RAB35: variants seen among roughly 807,000 people sequenced by gnomAD.
The protein encoded by RAB35 is ras-related protein Rab-35.
In RAB35, 4 loss-of-function variants were observed where a neutral mutation model predicts 28.9. The ratio of observed to expected loss-of-function variants is 0.14; its 90% confidence interval spans 0.07 to 0.32. The LOEUF is 0.32. RAB35 is among the 10% of genes least tolerant of loss of function. The pLI is 1.00. For synonymous variants in RAB35, 99 were observed against 105.1 expected (o/e 0.94, Z 0.35); for missense variants, 128 against 274.0 (o/e 0.47, Z 3.76).
At chr12:120,098,963 C>A in intron 4 of RAB35, 28 bp from the exon 5 acceptor site, 1 of 1,614,090 alleles carries the variant, frequency 6.2e-7, no homozygotes, top group Non-Finnish European at 8.5e-7. Context: ...GTCAGCGCAG[C>A]CCTGAGGGGC....
At chr12:120,112,699 G>A (rs576045483) in intron 1 of RAB35, among the ~76,000 whole-genome samples, 2 of 151,068 alleles carry the variant, frequency 1.3e-5, no homozygotes, top group Admixed American at 1.3e-4. Flanking sequence ...AAAGTGCTGG[G>A]ATTACAGGTG....
At chr12:120,109,467 T>C (rs1319735941) in intron 1 of RAB35, among the ~76,000 whole-genome samples, 3 of 149,018 alleles carry the variant, frequency 2.0e-5, no homozygotes, top group Non-Finnish European at 3.0e-5. Flanking sequence ...AAAAAAAAAA[T>C]GGGGTTTCAT....
At chr12:120,114,378 C>A (rs1342144083) in intron 1 of RAB35, among the ~76,000 whole-genome samples, 7 of 152,250 alleles carry the variant, frequency 4.6e-5, no homozygotes, top group African/African-American at 1.7e-4. Context: ...CAGGCGTGAG[C>A]CACCGCGCCC....
At position 120,116,589 on chromosome 12, in the gene RAB35, C is replaced by A. The variant is rs1876350493; in HGVS notation, c.52+10G>T. 4.2e-6 allele frequency: 5 copies of A among 1,188,420 alleles called. No homozygotes were observed. The highest frequency in any genetic ancestry group is 5.2e-6 in the Non-Finnish European group (5 of 960,240). 73.6% of individuals were successfully genotyped at this position (1,188,420 alleles called of 1,614,324 possible). On this transcript the variant is annotated intron_variant, in intron 1 of 5. Coordinates refer to ENST00000229340, the MANE Select transcript of RAB35 (RefSeq NM_006861.7). The stretch of plus-strand genomic sequence containing the variant: ...GGGCCCGCGCCGCCTCCGGCCGCTG[C>A]GGCCCTCACCGCTGTCGCCGATGAT...
In RAB35 at chr12:120,103,103, C is replaced by G. The variant is rs565933237; in HGVS notation, c.227+723G>C. Among the ~76,000 whole-genome samples, 106 of 152,300 alleles carry G rather than the reference C, an allele frequency of 7.0e-4. 1 individual carries two copies. The highest frequency in any genetic ancestry group is 2.5e-3 in the African/African-American group (102 of 41,554). On this transcript the variant is annotated intron_variant, in intron 3 of 5. Transcript: ENST00000229340. This position sits in a 1 kb window ranked among gnomAD's most constrained non-coding sequence, Gnocchi z 6.1. ...TCCAGGAAACGAGCGCAGAGAGCTT[C>G]GGCAACTTGCCTAAGGACACACAGC...
Position 120,096,342 on chromosome 12 carries a change from A to G in RAB35, c.*903T>C, listed in dbSNP as rs1193277293. Reference sequence around the variant, plus strand: ...TGGCCTCAACTTTTGCTGCTGTGCCAATCAAACCTCAGGGAAAGAAAATAA... The same window carrying G: ...TGGCCTCAACTTTTGCTGCTGTGCCGATCAAACCTCAGGGAAAGAAAATAA... On this transcript the variant is annotated 3_prime_UTR_variant, in exon 6 of 6. Transcript: ENST00000229340. The G allele has an allele frequency of 8.9e-7, 1 of 1,126,980 alleles. No homozygotes were observed. Among genetic ancestry groups the G allele is most frequent in the East Asian group, 5.9e-5 (1 of 16,932 alleles). 69.8% of individuals were successfully genotyped at this position (1,126,980 alleles called of 1,614,324 possible).
Position 120,096,616 on chromosome 12 carries a change from C to T in RAB35, c.*629G>A, listed in dbSNP as rs1417442667. ...CTGCCACCTCTGTGGAACTGCAGGG[C>T]CTGCCTTGAGACCAGGTTCCCCAGC... On this transcript the variant is annotated 3_prime_UTR_variant, in exon 6 of 6. Transcript: ENST00000229340. 1 of 1,289,768 alleles carries T rather than the reference C, an allele frequency of 7.8e-7. No individual in the cohort carries two copies. The highest frequency in any genetic ancestry group is 2.3e-5 in the Admixed American group (1 of 43,548). 79.9% of individuals were successfully genotyped at this position (1,289,768 alleles called of 1,614,324 possible). A position where few individuals can be genotyped will look rare whatever the true frequency, so the allele number is the denominator to read the frequency against.
intron 3 of RAB35, among the ~76,000 whole-genome samples, chr12:120,100,140 C>G (rs1324397055): frequency 6.6e-6 from 1 of 152,192 alleles, no homozygotes; most frequent in Non-Finnish European, 1.5e-5. Context: ...GGGGACAGCC[C>G]AAGCCCCAGT....
At chr12:120,115,072 C>A (rs147463563) in intron 1 of RAB35, among the ~76,000 whole-genome samples, 2 of 152,274 alleles carry the variant, frequency 1.3e-5, no homozygotes, top group African/African-American at 4.8e-5. Flanking sequence ...TCATTCAAAC[C>A]ATAACCAGTC....
Position 120,096,180 on chromosome 12 carries a change from C to T in RAB35, c.*1065G>A, listed in dbSNP as rs1370473686. 5.7e-6 allele frequency: 2 copies of T among 352,182 alleles called. No homozygotes were observed. Among genetic ancestry groups the T allele is most frequent in the South Asian group, 4.5e-5 (2 of 44,680 alleles). 21.8% of individuals were successfully genotyped at this position (352,182 alleles called of 1,614,324 possible). On this transcript the variant is annotated 3_prime_UTR_variant, in exon 6 of 6. Coordinates refer to ENST00000229340, the MANE Select transcript of RAB35 (RefSeq NM_006861.7). ...AGTGCCCGAGGCTGCAGTGTAGACT[C>T]CTGACCTCCAGTGGGAGGCAACTCG...
rs760016867 is a variant in RAB35 at position 120,103,814 on chromosome 12, G to A, written c.227+12C>T. 1.2e-5 allele frequency: 19 copies of A among 1,613,376 alleles called. No individual in the cohort carries two copies. The highest frequency in any genetic ancestry group is 2.2e-5 in the South Asian group (2 of 91,056). ...TGGCGCGGGTTGGGTGGGAGTGGGC[G>A]TGTGGACTCACGTGGAGGTGATGGT... On this transcript the variant is annotated intron_variant, in intron 3 of 5. Transcript: ENST00000229340. The surrounding 1 kb of genome is among the most constrained non-coding windows in gnomAD (Gnocchi z 6.1).
intron 1 of RAB35, among the ~76,000 whole-genome samples, chr12:120,109,453 C>CA (rs527343607): frequency 0.012 from 1,623 of 135,920 alleles, 9 homozygotes; most frequent in East Asian, 0.042. Context: ...AACTCTGTCT[C>CA]AAAAAAAAAA....
rs527700553 is a variant in RAB35 at position 120,096,269 on chromosome 12, G to A, written c.*976C>T. 1 of 497,910 alleles carries A rather than the reference G, an allele frequency of 2.0e-6. No homozygotes were observed. The highest frequency in any genetic ancestry group is 3.8e-5 in the Admixed American group (1 of 26,658). 30.8% of individuals were successfully genotyped at this position (497,910 alleles called of 1,614,324 possible). On this transcript the variant is annotated 3_prime_UTR_variant, in exon 6 of 6. Transcript: ENST00000229340. Reference sequence around the variant, plus strand: ...AAGCCCAAGAGTCCAGCCCCACAATGGCAGGAAGCCATTCATTTTTTTCTA... The same window carrying A: ...AAGCCCAAGAGTCCAGCCCCACAATAGCAGGAAGCCATTCATTTTTTTCTA...
intron 3 of RAB35, 41 bp from the exon 4 acceptor site, chr12:120,099,195 G>A (rs2139048976): frequency 6.2e-7 from 1 of 1,612,370 alleles, no homozygotes; most frequent in Non-Finnish European, 8.5e-7. Flanking sequence ...AACCCCGACA[G>A]GAGTCACCCC....
intron 3 of RAB35, 183 bp from the exon 4 acceptor site, chr12:120,099,337 G>T: frequency 1.3e-6 from 1 of 771,772 alleles, no homozygotes; most frequent in Non-Finnish European, 2.0e-6. Flanking sequence ...AGGCTACTGC[G>T]GCAGCACTGA....
In RAB35 at chr12:120,099,067, T is replaced by C. The variant is rs1435118923; in HGVS notation, c.315A>G (p.Glu105=). ...ACACATCATCACAGTTCTGGTTGATTTCGTGAAGCCACCGCTTGACGTTGA... is the reference window on the plus strand; with the variant it reads ...ACACATCATCACAGTTCTGGTTGATCTCGTGAAGCCACCGCTTGACGTTGA... ...SFVNVKRWLH[E]INQNCDDVCR... is the part of the protein sequence containing the mutation. The change falls in exon 4 of 6, where the codon GAA becomes GAG. Residue 105 remains glutamate, a synonymous_variant. Transcript: ENST00000229340. The C allele has an allele frequency of 1.9e-6, 3 of 1,614,124 alleles. No homozygotes were observed.
At chr12:120,106,591 CTTTTTTT>C (rs10709764) in intron 2 of RAB35, among the ~76,000 whole-genome samples, 3 of 102,744 alleles carry the variant, frequency 2.9e-5, no homozygotes, top group African/African-American at 7.5e-5. Flanking sequence ...CTTTCTTTTT[CTTTTTTT>C]TTTTTTTTTT....
intron 1 of RAB35, among the ~76,000 whole-genome samples, chr12:120,112,137 C>G (rs562973194): frequency 6.6e-6 from 1 of 152,302 alleles, no homozygotes; most frequent in South Asian, 2.1e-4. Flanking sequence ...CCATCACGCC[C>G]AGCTAATTTT....
rs138775890 is a variant in RAB35 at position 120,096,923 on chromosome 12, C to A, written c.*322G>T. 2 of 1,342,118 alleles carry A rather than the reference C, an allele frequency of 1.5e-6. No individual in the cohort carries two copies. Among genetic ancestry groups the A allele is most frequent in the South Asian group, 2.5e-5 (2 of 81,466 alleles). The allele number at this position is 1,342,118 out of a possible 1,614,324, so 83.1% of individuals were successfully genotyped here. A position where few individuals can be genotyped will look rare whatever the true frequency, so the allele number is the denominator to read the frequency against. On this transcript the variant is annotated 3_prime_UTR_variant, in exon 6 of 6. Coordinates refer to ENST00000229340, the MANE Select transcript of RAB35 (RefSeq NM_006861.7). Reference sequence around the variant, plus strand: ...CAAGAAGGCAAAAGCCAGAGCAGGACGTGGTGTGCGGCCGGGTAGAGCAAT... The same window carrying A: ...CAAGAAGGCAAAAGCCAGAGCAGGAAGTGGTGTGCGGCCGGGTAGAGCAAT...
Sources: allele counts gnomAD v4.1 joint callset (sites outside exome capture counted in the v4.1 genomes callset), GRCh38; gene constraint gnomAD v4.1.1; non-coding constraint Gnocchi (gnomAD v3.1); transcripts MANE v1.5; gene names NCBI Gene and HGNC (gene_info 2026-07-23, HGNC 2026-07-21).